The following NPEPPS variants were observed in gnomAD, a reference collection of about 807,000 sequenced individuals.
NPEPPS encodes puromycin-sensitive aminopeptidase.
In NPEPPS, 14 loss-of-function variants were observed where a neutral mutation model predicts 115.5. That is an observed-to-expected ratio of 0.12 (90% CI 0.08 to 0.19). The LOEUF (loss-of-function observed/expected upper bound fraction) is 0.19, where lower values mean the gene tolerates loss of function less well. NPEPPS is among the 10% of genes least tolerant of loss of function. The probability of loss-of-function intolerance (pLI) is 1.00; values close to 1 mark genes in which losing one functional copy is unlikely to be tolerated. For missense variants in NPEPPS, 523 were observed against 1,110.8 expected (o/e 0.47, Z 7.52); for synonymous variants, 285 against 390.6 (o/e 0.73, Z 3.19).
At chr17:47,531,690 C>T in intron 1 of NPEPPS, 135 bp downstream of exon 1, 2 of 886,984 alleles carry the variant, frequency 2.3e-6, no homozygotes, top group Non-Finnish European at 1.4e-6. Flanking sequence ...GCGCCGGGTT[C>T]GGCGTGCTCT....
rs377270583 is a variant in NPEPPS at position 47,532,623 on chromosome 17, C to T, written c.255+1068C>T. 6.2e-3 allele frequency among the ~76,000 whole-genome samples: 821 copies of T among 132,564 alleles called. 8 individuals are homozygous for T. Among genetic ancestry groups the T allele is most frequent in the African/African-American group, 0.023 (791 of 34,594 alleles). The allele number at this position is 132,564 out of a possible 152,430, so 87.0% of individuals were successfully genotyped here. A position where few individuals can be genotyped will look rare whatever the true frequency, so the allele number is the denominator to read the frequency against. On this transcript the variant is annotated intron_variant, in intron 1 of 22. Coordinates refer to ENST00000322157, the MANE Select transcript of NPEPPS (RefSeq NM_006310.4). ...TCGAGATCGCGCCACTGCATTCCTGCATTCCAGCCTGGGCGACAGAGTGAG... is the reference window on the plus strand; with the variant it reads ...TCGAGATCGCGCCACTGCATTCCTGTATTCCAGCCTGGGCGACAGAGTGAG...
chr17:47,573,904 A>G (rs1199598828), intron 3 of NPEPPS, among the ~76,000 whole-genome samples: 1 of 152,186 alleles, frequency 6.6e-6, no homozygotes, highest in Non-Finnish European at 1.5e-5. Flanking sequence ...AGAGTTTTAA[A>G]TCTATATCAT....
chr17:47,588,521 G>T (rs1200286880), intron 9 of NPEPPS, among the ~76,000 whole-genome samples: 1 of 151,158 alleles, frequency 6.6e-6, no homozygotes, highest in Middle Eastern at 3.4e-3. Flanking sequence ...CCGAGATCAC[G>T]CCACTGCACT....
intron 3 of NPEPPS, among the ~76,000 whole-genome samples, chr17:47,571,067 A>G (rs1239768507): frequency 6.6e-6 from 1 of 152,232 alleles, no homozygotes; most frequent in Non-Finnish European, 1.5e-5. Context: ...GAAATGATCA[A>G]GCCAGGAATG....
At chr17:47,555,945 C>T (rs1909982446) in intron 2 of NPEPPS, among the ~76,000 whole-genome samples, 1 of 145,390 alleles carries the variant, frequency 6.9e-6, no homozygotes, top group Admixed American at 6.9e-5. Context: ...AGGTAGTAGT[C>T]AGGGCTCATT....
At chr17:47,619,711 T>C in intron 21 of NPEPPS, 26 bp from the exon 22 acceptor site, 1 of 1,603,846 alleles carries the variant, frequency 6.2e-7, no homozygotes, top group Non-Finnish European at 8.5e-7. Flanking sequence ...TGGTTTCACT[T>C]ACTGTTTAAA....
intron 2 of NPEPPS, among the ~76,000 whole-genome samples, chr17:47,563,641 G>A (rs1347520915): frequency 6.6e-6 from 1 of 151,818 alleles, no homozygotes; most frequent in African/African-American, 2.4e-5. Context: ...CACGATCTCG[G>A]CTCGCTGCAA....
At chr17:47,544,184 G>A (rs1441149016) in intron 1 of NPEPPS, among the ~76,000 whole-genome samples, 1 of 151,986 alleles carries the variant, frequency 6.6e-6, no homozygotes, top group Admixed American at 6.6e-5. Flanking sequence ...GTGAGCCACC[G>A]TGCCCGGCCT....
chr17:47,619,698 T>G, intron 21 of NPEPPS, 39 bp from the exon 22 acceptor site: 1 of 1,564,440 alleles, frequency 6.4e-7, no homozygotes. Flanking sequence ...GTTCTCAGCC[T>G]CTTGGTTTCA....
chr17:47,616,513 GTC>G (rs1914209683), intron 19 of NPEPPS, among the ~76,000 whole-genome samples: 1 of 151,964 alleles, frequency 6.6e-6, no homozygotes. Flanking sequence ...GTGAAACCCT[GTC>G]TCTACTAAAT....
At chr17:47,550,964 T>C (rs1329944941) in intron 2 of NPEPPS, among the ~76,000 whole-genome samples, 2 of 152,130 alleles carry the variant, frequency 1.3e-5, no homozygotes, top group Non-Finnish European at 2.9e-5. Context: ...GCTAGTAGTT[T>C]AGATTTCTGG....
chr17:47,539,229 A>G (rs1316518717), intron 1 of NPEPPS, among the ~76,000 whole-genome samples: 2 of 151,992 alleles, frequency 1.3e-5, no homozygotes, highest in Non-Finnish European at 2.9e-5. Context: ...ACTTTGCCAC[A>G]TAAATGAGCC....
intron 13 of NPEPPS, among the ~76,000 whole-genome samples, chr17:47,599,230 C>T (rs1006357019): frequency 1.3e-5 from 2 of 152,190 alleles, no homozygotes; most frequent in African/African-American, 2.4e-5. Flanking sequence ...CTAGTGTTAA[C>T]GTTCATTAAT....
chr17:47,577,589 T>C (rs191903076), intron 3 of NPEPPS, among the ~76,000 whole-genome samples: 1 of 152,184 alleles, frequency 6.6e-6, no homozygotes, highest in Non-Finnish European at 1.5e-5. Context: ...AAGAAAAAAG[T>C]ATTCATTGTC....
chr17:47,619,213 G>A, intron 21 of NPEPPS, 49 bp downstream of exon 21: 1 of 1,508,298 alleles, frequency 6.6e-7, no homozygotes, highest in Non-Finnish European at 9.1e-7. Context: ...ATTATTTAGT[G>A]ACATCCATGA....
chr17:47,553,760 T>TC (rs200702782), intron 2 of NPEPPS, among the ~76,000 whole-genome samples: 1 of 130,180 alleles, frequency 7.7e-6, no homozygotes. Context: ...TCTCTCTCTC[T>TC]TTTTTTTTTT....
upstream of NPEPPS, among the ~76,000 whole-genome samples, chr17:47,530,865 C>G (rs1267859353): frequency 1.3e-5 from 2 of 151,734 alleles, no homozygotes; most frequent in Non-Finnish European, 2.9e-5. Context: ...GCCCCTTATG[C>G]CTTTCCTTCC....
chr17:47,621,234 G>A, intron 22 of NPEPPS, among the ~76,000 whole-genome samples: 1 of 150,590 alleles, frequency 6.6e-6, no homozygotes, highest in East Asian at 1.9e-4. Flanking sequence ...GGGCATAGCA[G>A]CAATTTAAAC....
At position 47,523,418 on chromosome 17, in the gene NPEPPS, CT is replaced by C. The variant is rs901392400; in HGVS notation, c.77+364del. The stretch of plus-strand genomic sequence containing the variant: ...ATTCTCACATTAAGAAAATAATAGG[CT>C]TTTTTTTTGTTTTTTTTTTGAGACG... On this transcript the variant is annotated intron_variant, in intron 1 of 5. Transcript: ENST00000525007. 8.7e-5 allele frequency among the ~76,000 whole-genome samples: 13 copies of C among 149,208 alleles called. No homozygotes were observed. The East Asian group carries it at 1.4e-3, about 16-fold the overall frequency.
Sources: allele counts gnomAD v4.1 joint callset (sites outside exome capture counted in the v4.1 genomes callset), GRCh38; gene constraint gnomAD v4.1.1; transcripts MANE v1.5; gene names NCBI Gene and HGNC (gene_info 2026-07-23, HGNC 2026-07-21).